TRIML2: variants seen among roughly 807,000 people sequenced by gnomAD.
The protein encoded by TRIML2 is probable E3 ubiquitin-protein ligase TRIML2.
Under a neutral mutation model 31.2 loss-of-function variants are expected in TRIML2, and 28 were observed. The observed-to-expected ratio is 0.90, with a 90% CI of 0.66 to 1.23. TRIML2 has a LOEUF of 1.23. Among genes scored for constraint, TRIML2 ranks in the 50% most tolerant of loss-of-function variants. The probability of loss-of-function intolerance (pLI) is 0.00; values close to 1 mark genes in which losing one functional copy is unlikely to be tolerated. For missense variants in TRIML2, 536 were observed against 528.3 expected (o/e 1.01, Z -0.14); for synonymous variants, 187 against 197.5 (o/e 0.95, Z 0.45).
intron 1 of TRIML2, among the ~76,000 whole-genome samples, chr4:188,107,754 C>A (rs1734100300): frequency 6.6e-6 from 1 of 152,162 alleles, no homozygotes; most frequent in Admixed American, 6.6e-5. Context: ...GTTCAAGCCT[C>A]TCTCTCAGTT....
At chr4:188,099,804 G>A (rs1213662323) in intron 4 of TRIML2, among the ~76,000 whole-genome samples, 2 of 152,094 alleles carry the variant, frequency 1.3e-5, no homozygotes, top group Admixed American at 1.3e-4. Context: ...TTCTGTGGCT[G>A]TTTGTTCAGA....
chr4:188,096,772 T>G (rs1733538452), intron 7 of TRIML2, among the ~76,000 whole-genome samples: 1 of 151,724 alleles, frequency 6.6e-6, no homozygotes, highest in Non-Finnish European at 1.5e-5. Flanking sequence ...TTCTCCCACC[T>G]CAGCCACTCA....
chr4:188,098,106 C>T (rs150681243), intron 5 of TRIML2: 3,603 of 269,628 alleles, frequency 0.013, 138 homozygotes, highest in African/African-American at 0.083. Context: ...GGAGATAGAG[C>T]GAGACTCCGT....
chr4:188,106,830 G>T, intron 1 of TRIML2: 1 of 251,072 alleles, frequency 4.0e-6, no homozygotes, highest in South Asian at 5.7e-5. Flanking sequence ...CAAGCGAGAA[G>T]ACAGGCCGGG....
At chr4:188,099,198 C>T (rs773611871) in intron 4 of TRIML2, 23 bp from the exon 5 acceptor site, 2 of 1,569,184 alleles carry the variant, frequency 1.3e-6, no homozygotes, top group South Asian at 1.2e-5. Context: ...TTCTTCGTTA[C>T]TATTCAACAA....
rs750282847 is a variant in TRIML2 at position 188,091,706 on chromosome 4, C to T, written c.981G>A (p.Ala327=). The T allele has an allele frequency of 1.2e-5, 19 of 1,613,354 alleles. No individual in the cohort carries two copies. The highest frequency in any genetic ancestry group is 7.7e-5 in the South Asian group (7 of 91,072). ...QVGIYHGSAD[A]KGSTARASGE... is the part of the protein sequence containing the mutation. ...CGGAAGCTCTGGCCGTGCTGCCCTT[C>T]GCGTCTGCAGAGCCGTGGTATATGC... Residue 327 remains alanine, a synonymous_variant, in exon 8 of 8, where the codon GCG becomes GCA. Coordinates refer to ENST00000682553, the MANE Select transcript of TRIML2 (RefSeq NM_173553.4).
rs567855827 is a variant in TRIML2, at chr4:188,096,227, C to T, written c.745+834G>A. On this transcript the variant is annotated intron_variant, in intron 7 of 7. Coordinates refer to ENST00000682553, the MANE Select transcript of TRIML2 (RefSeq NM_173553.4). ...CAGCCTGACCAACATGGTAAGACCT[C>T]GTCTCTACCATAAATACAAAAAATT... 1.2e-4 allele frequency among the ~76,000 whole-genome samples: 18 copies of T among 151,044 alleles called. No homozygotes were observed. The South Asian group carries it at 2.1e-3, about 18-fold the overall frequency.
At chr4:188,094,079 A>G (rs1733388026) in intron 7 of TRIML2, among the ~76,000 whole-genome samples, 1 of 151,638 alleles carries the variant, frequency 6.6e-6, no homozygotes, top group South Asian at 2.1e-4. Context: ...TGACAGAGCC[A>G]GACAGCATCT....
At position 188,096,848 on chromosome 4, in the gene TRIML2, G is replaced by A. The variant is rs376468489; in HGVS notation, c.745+213C>T. Among the ~76,000 whole-genome samples the A allele has an allele frequency of 8.5e-4, 129 of 152,082 alleles. No homozygotes were observed. The South Asian group carries it at 1.0e-2, about 12-fold the overall frequency. On this transcript the variant is annotated intron_variant, in intron 7 of 7. Coordinates refer to ENST00000682553, the MANE Select transcript of TRIML2 (RefSeq NM_173553.4). ...ATTTTCGTATTTTTTGTAGAGATGG[G>A]ATTTCACCATGTTGGTTAGGCTGGT... is the stretch of plus-strand genomic sequence containing the variant.
rs12499626 is a variant in TRIML2, at chr4:188,101,912, C to T, written c.286-662G>A. 7.0e-3 allele frequency among the ~76,000 whole-genome samples: 1,062 copies of T among 151,710 alleles called. 47 individuals carry two copies. The highest frequency in any genetic ancestry group is 0.05 in the Admixed American group (766 of 15,200). On this transcript the variant is annotated intron_variant, in intron 3 of 7. Coordinates refer to ENST00000682553, the MANE Select transcript of TRIML2 (RefSeq NM_173553.4). The stretch of plus-strand genomic sequence containing the variant: ...TTGGGAGGCCGAGGCAGGCGGATCA[C>T]GAGGTCAGGAGATCGAGACCATCCT...
Position 188,099,030 on chromosome 4 carries a change from C to G in TRIML2, c.621+5G>C, listed in dbSNP as rs751117805. On this transcript the variant is annotated splice_donor_5th_base_variant and intron_variant, in intron 5 of 7. Transcript: ENST00000682553. ...AATTTTATTTTCTTTTTCCCAGCAT[C>G]TTACCTTGAGCAATGCCAAGGTGCC... 3 of 1,614,028 alleles carry G rather than the reference C, an allele frequency of 1.9e-6. No homozygotes were observed. In the East Asian group the frequency reaches 6.7e-5, roughly 36 times the overall value.
At chr4:188,104,968 T>C (rs376306481) in intron 2 of TRIML2, 36 bp from the exon 3 acceptor site, 6 of 1,575,050 alleles carry the variant, frequency 3.8e-6, no homozygotes, top group Non-Finnish European at 5.2e-6. Context: ...GTGAGATCAT[T>C]GATTTAGAAC....
At chr4:188,106,921 C>A in intron 1 of TRIML2, 1 of 226,250 alleles carries the variant, frequency 4.4e-6, no homozygotes, top group South Asian at 7.8e-5. Flanking sequence ...CAATGTCCTT[C>A]TTAAGTCCTT....
At chr4:188,106,319 G>T (rs1005543438) in intron 1 of TRIML2, among the ~76,000 whole-genome samples, 5 of 152,224 alleles carry the variant, frequency 3.3e-5, no homozygotes, top group Admixed American at 6.5e-5. Context: ...CCAAAGTGCT[G>T]GGATTCCAGG....
chr4:188,092,083 A>G, intron 7 of TRIML2, 142 bp from the exon 8 acceptor site: 1 of 788,054 alleles, frequency 1.3e-6, no homozygotes. Context: ...GGGAGGGTCC[A>G]GGAAAAGGAA....
At chr4:188,097,673 GC>G (rs1733578007) in intron 5 of TRIML2, among the ~76,000 whole-genome samples, 2 of 152,146 alleles carry the variant, frequency 1.3e-5, no homozygotes, top group African/African-American at 4.8e-5. Context: ...AGGTGAAGGG[GC>G]CACTGGCTGG....
chr4:188,104,091 C>A (rs1232955346), intron 3 of TRIML2, among the ~76,000 whole-genome samples: 1 of 152,148 alleles, frequency 6.6e-6, no homozygotes, highest in Non-Finnish European at 1.5e-5. Context: ...TCAAATTGCT[C>A]TTTAAAGGGT....
intron 5 of TRIML2, chr4:188,098,123 G>GGAAA (rs1553995259): frequency 2.3e-4 from 48 of 209,436 alleles, no homozygotes; most frequent in Middle Eastern, 1.3e-3. Context: ...CCGTCTCGGG[G>GGAAA]AAAAAAAAAA....
Position 188,108,117 on chromosome 4 carries a change from C to T in TRIML2, c.-223+1126G>A, listed in dbSNP as rs562868981. Reference sequence around the variant, plus strand: ...CTGACATTCCTCTAACTTGTCTGGTCTTGTTCTCCGTGGCCTTTTCTGGTC... The same window carrying T: ...CTGACATTCCTCTAACTTGTCTGGTTTTGTTCTCCGTGGCCTTTTCTGGTC... On this transcript the variant is annotated intron_variant, in intron 1 of 7. Coordinates refer to ENST00000682553, the MANE Select transcript of TRIML2 (RefSeq NM_173553.4). Among the ~76,000 whole-genome samples, 4 of 152,266 alleles carry T rather than the reference C, an allele frequency of 2.6e-5. No individual in the cohort carries two copies. The South Asian group carries it at 8.3e-4, about 32-fold the overall frequency.
Sources: allele counts gnomAD v4.1 joint callset (sites outside exome capture counted in the v4.1 genomes callset), GRCh38; gene constraint gnomAD v4.1.1; transcripts MANE v1.5; gene names NCBI Gene and HGNC (gene_info 2026-07-23, HGNC 2026-07-21).